Variants in ORC2 observed in about 807,000 individuals in gnomAD.
ORC2 encodes origin recognition complex subunit 2, also known as origin recognition complex protein 2 homolog.
Under a neutral mutation model 77.7 loss-of-function variants are expected in ORC2, and 37 were observed. That is an observed-to-expected ratio of 0.48 (90% CI 0.37 to 0.63). The LOEUF is 0.63. Among genes scored for constraint, ORC2 ranks in the 20% least tolerant of loss-of-function variants. ORC2 has a pLI of 0.00. For missense variants in ORC2, 557 were observed against 661.9 expected (o/e 0.84, Z 1.74); for synonymous variants, 201 against 229.5 (o/e 0.88, Z 1.12).
At position 200,910,518 on chromosome 2, in the gene ORC2, A is replaced by G. The variant is rs929661718; in HGVS notation, c.*783T>C. 4 of 152,238 alleles carry G rather than the reference A, an allele frequency of 2.6e-5. No individual in the cohort carries two copies. Among genetic ancestry groups the G allele is most frequent in the Non-Finnish European group, 4.4e-5 (3 of 68,042 alleles). 9.4% of individuals were successfully genotyped at this position (152,238 alleles called of 1,614,324 possible). A position where few individuals can be genotyped will look rare whatever the true frequency, so the allele number is the denominator to read the frequency against. The stretch of plus-strand genomic sequence containing the variant: ...AAATGTTTTATTTTTTGTTGTCTTG[A>G]AAACAATTACTAAAATGTAATTCAG... On this transcript the variant is annotated 3_prime_UTR_variant, in exon 18 of 18. Coordinates refer to ENST00000234296, the MANE Select transcript of ORC2 (RefSeq NM_006190.5).
rs2041026297 is a variant in ORC2 at position 200,935,590 on chromosome 2, A to G, written c.708+109T>C. 7.6e-6 allele frequency: 6 copies of G among 791,950 alleles called. No homozygotes were observed. In the East Asian group the frequency reaches 1.7e-4, roughly 22 times the overall value. The allele number at this position is 791,950 out of a possible 1,614,324, so 49.1% of individuals were successfully genotyped here. On this transcript the variant is annotated intron_variant, in intron 9 of 17. Coordinates refer to ENST00000234296, the MANE Select transcript of ORC2 (RefSeq NM_006190.5). ...TATGTGGAAGGCTGAGAAAATATAGAAAAGTGAAGAAAAAATATTATTTTG... is the reference window on the plus strand; with the variant it reads ...TATGTGGAAGGCTGAGAAAATATAGGAAAGTGAAGAAAAAATATTATTTTG...
At chr2:200,942,652 A>C (rs1483087957) in intron 6 of ORC2, 33 bp downstream of exon 6, 1 of 1,208,652 alleles carries the variant, frequency 8.3e-7, no homozygotes, top group East Asian at 2.5e-5. Flanking sequence ...CAACTATGAA[A>C]ATTCTTTTCA....
intron 9 of ORC2, 83 bp downstream of exon 9, chr2:200,935,616 A>C (rs1173738944): frequency 1.0e-5 from 9 of 899,982 alleles, no homozygotes; most frequent in Non-Finnish European, 1.5e-5. Context: ...TATTATTTTG[A>C]GAGATGTGGA....
At chr2:200,939,707 A>T (rs1276641667) in intron 7 of ORC2, among the ~76,000 whole-genome samples, 1 of 152,220 alleles carries the variant, frequency 6.6e-6, no homozygotes, top group African/African-American at 2.4e-5. Flanking sequence ...TTTCTAAGAC[A>T]GTACACTAAG....
rs778022821 is a variant in ORC2 at position 200,925,916 on chromosome 2, G to T, written c.1067C>A (p.Thr356Lys). Residue 356 changes from threonine to lysine, a missense_variant, in exon 13 of 18, where the codon ACA (threonine) becomes AAA (lysine). Physicochemically the swap from Thr to Lys is moderately conservative, Grantham distance 78. Coordinates refer to ENST00000234296, the MANE Select transcript of ORC2 (RefSeq NM_006190.5). ...ISVKSVLNSI[T>K]EEVLDHMGTF... The stretch of plus-strand genomic sequence containing the variant: ...ACCCATATGATCGAGGACTTCTTCT[G>T]TTATAGAATTCAGGACCTATATCAT... The T allele has an allele frequency of 1.3e-6, 2 of 1,573,726 alleles. No homozygotes were observed. Among genetic ancestry groups the T allele is most frequent in the African/African-American group, 1.3e-5 (1 of 74,304 alleles).
At chr2:200,952,442 T>A (rs2041378477) in intron 4 of ORC2, among the ~76,000 whole-genome samples, 1 of 151,912 alleles carries the variant, frequency 6.6e-6, no homozygotes, top group South Asian at 2.1e-4. Flanking sequence ...TTTGTATTTT[T>A]AGTAGGGACA....
In ORC2 at chr2:200,957,498, T is replaced by C; in HGVS notation, c.141A>G (p.Lys47=). 1 of 1,611,332 alleles carries C rather than the reference T, an allele frequency of 6.2e-7. No individual in the cohort carries two copies. Among genetic ancestry groups the C allele is most frequent in the Non-Finnish European group, 8.5e-7 (1 of 1,178,724 alleles). The part of the protein sequence containing the change: ...KERAQLLVNP[K]KIIKKPEYDL... The stretch of plus-strand genomic sequence containing the variant: ...CATATTCTGGCTTCTTTATTATTTT[T>C]TTGGGGTTGACCAAAAGCTGCGCTC... The change falls in exon 4 of 18, where the codon AAA becomes AAG. Residue 47 remains lysine, a synonymous_variant. Coordinates refer to ENST00000234296, the MANE Select transcript of ORC2 (RefSeq NM_006190.5).
chr2:200,963,220 T>C, intron 1 of ORC2: 2 of 385,116 alleles, frequency 5.2e-6, no homozygotes, highest in Admixed American at 9.0e-5. Context: ...GCCTCTCACC[T>C]CAAGTCTTAA....
chr2:200,958,610 T>C (rs2041515710), intron 2 of ORC2, among the ~76,000 whole-genome samples: 1 of 152,242 alleles, frequency 6.6e-6, no homozygotes. Flanking sequence ...ACTTGTGTCC[T>C]AAGCCTGGAT....
chr2:200,921,194 C>A, intron 13 of ORC2, 55 bp from the exon 14 acceptor site: 4 of 1,243,512 alleles, frequency 3.2e-6, no homozygotes, highest in Non-Finnish European at 4.4e-6. Flanking sequence ...GGGTCTCACT[C>A]TGTTGCCTAG....
In ORC2 at chr2:200,921,057, A is replaced by G. The variant is rs146914815; in HGVS notation, c.1230T>C (p.Gly410=). The G allele has an allele frequency of 2.5e-6, 4 of 1,610,030 alleles. No homozygotes were observed. Among genetic ancestry groups the G allele is most frequent in the African/African-American group, 1.3e-5 (1 of 74,946 alleles). Residue 410 remains glycine, a synonymous_variant, in exon 14 of 18, where the codon GGT becomes GGC. Coordinates refer to ENST00000234296, the MANE Select transcript of ORC2 (RefSeq NM_006190.5). ...AAATGTTATGCAAAGATGACAACTG[A>G]CCAATGATTTGCTGGCTCTTCTCTC... is the stretch of plus-strand genomic sequence containing the variant. ...LRGEKSQQII[G]QLSSLHNIYL...
chr2:200,953,457 G>A (rs1308888143), intron 4 of ORC2, among the ~76,000 whole-genome samples: 1 of 151,366 alleles, frequency 6.6e-6, no homozygotes, highest in Non-Finnish European at 1.5e-5. Context: ...GTAAGAACGT[G>A]GAGAAATTGG....
At chr2:200,941,315 G>A in intron 6 of ORC2, 36 bp from the exon 7 acceptor site, 3 of 1,587,074 alleles carry the variant, frequency 1.9e-6, no homozygotes, top group Non-Finnish European at 2.6e-6. Flanking sequence ...ACTTACTACG[G>A]ACACTTCACT....
At chr2:200,942,820 GTAGA>G (rs1227137248) in intron 5 of ORC2, 43 bp from the exon 6 acceptor site, 3 of 1,196,056 alleles carry the variant, frequency 2.5e-6, no homozygotes, top group Non-Finnish European at 3.6e-6. Context: ...AAGGACAACA[GTAGA>G]TAAAGAGGGA....
intron 12 of ORC2, 43 bp downstream of exon 12, chr2:200,926,725 C>T (rs1314050918): frequency 6.3e-7 from 1 of 1,597,160 alleles, no homozygotes; most frequent in African/African-American, 1.3e-5. Context: ...CTTGAATTGG[C>T]AGAGGATATA....
chr2:200,929,152 T>C (rs2040894939), intron 11 of ORC2, among the ~76,000 whole-genome samples: 1 of 152,144 alleles, frequency 6.6e-6, no homozygotes, highest in African/African-American at 2.4e-5. Context: ...GATTTCACTA[T>C]GTTGGTCAGG....
intron 7 of ORC2, among the ~76,000 whole-genome samples, chr2:200,940,238 T>C (rs532203464): frequency 9.8e-5 from 15 of 152,310 alleles, no homozygotes; most frequent in African/African-American, 3.6e-4. Context: ...AGGGTTGCCT[T>C]TAATTATCTT....
chr2:200,949,674 G>T, intron 4 of ORC2, 31 bp from the exon 5 acceptor site: 1 of 1,307,830 alleles, frequency 7.6e-7, no homozygotes, highest in Non-Finnish European at 1.1e-6. Context: ...ATACATTTAG[G>T]AAAAAAGAAC....
In ORC2 at chr2:200,941,313, C is replaced by T. The variant is rs145731857; in HGVS notation, c.422-34G>A. ...TGAAACAAAAAGCCATGACTTACTA[C>T]GGACACTTCACTTTTCATTGTGGTC... On this transcript the variant is annotated intron_variant, in intron 6 of 17. Coordinates refer to ENST00000234296, the MANE Select transcript of ORC2 (RefSeq NM_006190.5). 14,759 of 1,590,058 alleles carry T rather than the reference C, an allele frequency of 9.3e-3. 76 individuals carry two copies. The highest frequency in any genetic ancestry group is 0.011 in the Non-Finnish European group (13,271 of 1,160,894).
Sources: gnomAD v4.1 joint callset for allele counts (sites outside exome capture counted in the v4.1 genomes callset) on GRCh38, gnomAD v4.1.1 for gene constraint, MANE v1.5 for transcripts, NCBI Gene and HGNC (gene_info 2026-07-23, HGNC 2026-07-21) for gene names.